The following SART3 variants were observed in gnomAD, a reference collection of about 807,000 sequenced individuals.
SART3 encodes the protein HIV-1 Tat-interacting protein of 110kDa.
A neutral mutation model predicts 122.3 loss-of-function variants in SART3; 44 were observed. The observed-to-expected ratio is 0.36, with a 90% CI of 0.28 to 0.46. The LOEUF (loss-of-function observed/expected upper bound fraction) is 0.46, where lower values mean the gene tolerates loss of function less well. Ranked by LOEUF, SART3 falls within the 20% of genes least tolerant of loss-of-function variation. SART3 has a pLI of 1.00. For missense variants in SART3, 1,101 were observed against 1,229.0 expected (o/e 0.90, Z 1.56); for synonymous variants, 442 against 454.0 (o/e 0.97, Z 0.34).
Position 108,548,465 on chromosome 12 carries a change from G to A in SART3, c.440-474C>T, listed in dbSNP as rs1873535912. On this transcript the variant is annotated intron_variant, in intron 2 of 18. Transcript: ENST00000546815. Reference sequence around the variant, plus strand: ...TAATTTGCTTAAGGTCACACAGCTAGTAAAAGATGTAGCCAGGAATGAATC... The same window carrying A: ...TAATTTGCTTAAGGTCACACAGCTAATAAAAGATGTAGCCAGGAATGAATC... 2.0e-5 allele frequency among the ~76,000 whole-genome samples: 3 copies of A among 152,222 alleles called. No homozygotes were observed. The South Asian group carries it at 6.2e-4, about 31-fold the overall frequency.
rs1314008997 is a variant in SART3, at chr12:108,535,341, C to G, written c.1556+18G>C. 7.5e-6 allele frequency: 12 copies of G among 1,602,002 alleles called. No individual in the cohort carries two copies. The Admixed American group carries it at 2.0e-4, about 27-fold the overall frequency. Reference sequence around the variant, plus strand: ...AGCTGACAAGCACTGCCTCCCTCCCCACCCCGAGATCAGTTACCTTTCCAG... The same window carrying G: ...AGCTGACAAGCACTGCCTCCCTCCCGACCCCGAGATCAGTTACCTTTCCAG... On this transcript the variant is annotated intron_variant, in intron 12 of 18. Coordinates refer to ENST00000546815, the MANE Select transcript of SART3 (RefSeq NM_014706.4).
intron 15 of SART3, among the ~76,000 whole-genome samples, chr12:108,527,458 C>G (rs556128830): frequency 6.6e-6 from 1 of 152,332 alleles, no homozygotes; most frequent in South Asian, 2.1e-4. Context: ...CTTCCTGGTA[C>G]GAAGTTGACC....
chr12:108,542,628 A>T (rs1227756825), intron 6 of SART3: 1 of 331,086 alleles, frequency 3.0e-6, no homozygotes, highest in African/African-American at 2.1e-5. Flanking sequence ...ATGAAAATAA[A>T]ATATACAGCA....
chr12:108,529,046 C>T (rs1872528293), intron 15 of SART3, among the ~76,000 whole-genome samples: 2 of 152,122 alleles, frequency 1.3e-5, no homozygotes, highest in Non-Finnish European at 2.9e-5. Flanking sequence ...TCACTTGAAC[C>T]CGGGAAGCGG....
At chr12:108,553,835 C>T (rs1274053113) in intron 1 of SART3, among the ~76,000 whole-genome samples, 3 of 152,222 alleles carry the variant, frequency 2.0e-5, no homozygotes, top group East Asian at 3.8e-4. Flanking sequence ...CATTATCTTT[C>T]TCTACTAATT....
At chr12:108,534,955 C>CA (rs1872838888) in intron 12 of SART3, among the ~76,000 whole-genome samples, 1 of 152,028 alleles carries the variant, frequency 6.6e-6, no homozygotes, top group African/African-American at 2.4e-5. Context: ...ATTTTCATTA[C>CA]AAAAAAATTT....
At chr12:108,544,923 A>G (rs1006455248) in intron 4 of SART3, 1 of 622,250 alleles carries the variant, frequency 1.6e-6, no homozygotes, top group Non-Finnish European at 2.8e-6. Flanking sequence ...CAAGCTAAAA[A>G]AATTTATACG....
chr12:108,560,636 G>A lies in SART3; in HGVS notation c.312+207C>T, dbSNP rs926449070. 9.6e-6 allele frequency: 5 copies of A among 521,832 alleles called. No individual in the cohort carries two copies. In the East Asian group the frequency reaches 1.3e-4, roughly 13 times the overall value. The allele number at this position is 521,832 out of a possible 1,614,324, so 32.3% of individuals were successfully genotyped here. ...ATAGATAACAGGGCTTCCTTCACAGGGTCGTGGCGAGGATTCAATGAGATA... is the reference window on the plus strand; with the variant it reads ...ATAGATAACAGGGCTTCCTTCACAGAGTCGTGGCGAGGATTCAATGAGATA... On this transcript the variant is annotated intron_variant, in intron 1 of 18. Transcript: ENST00000546815.
At chr12:108,545,408 C>G in intron 3 of SART3, 85 bp from the exon 4 acceptor site, 1 of 1,271,802 alleles carries the variant, frequency 7.9e-7, no homozygotes, top group Non-Finnish European at 1.1e-6. Context: ...ATGTGCCTAC[C>G]AAAAAAGTAC....
rs1395857733 is a variant in SART3, at chr12:108,523,543, C to A, written c.2806G>T (p.Ala936Ser). Residue 936 changes from alanine (A) to serine (S), a missense_variant, in exon 19 of 19, where the codon GCG becomes TCG. Physicochemically the swap from Ala to Ser is moderately conservative, Grantham distance 99. Coordinates refer to ENST00000546815, the MANE Select transcript of SART3 (RefSeq NM_014706.4). Reference sequence around the variant, plus strand: ...GCTGGGGCGGCAACTGCAGGAGCCGCGGCAGGGCCGTTCTCAGCCTGAGGA... The same window carrying A: ...GCTGGGGCGGCAACTGCAGGAGCCGAGGCAGGGCCGTTCTCAGCCTGAGGA... The part of the protein sequence containing the change: ...AAPQAENGPA[A>S]APAVAAPAAT... 5 of 1,613,792 alleles carry A rather than the reference C, an allele frequency of 3.1e-6. No homozygotes were observed. The African/African-American group carries it at 5.3e-5, about 17-fold the overall frequency.
intron 18 of SART3, 161 bp from the exon 19 acceptor site, chr12:108,523,795 T>A (rs1872243281): frequency 2.8e-6 from 2 of 720,960 alleles, no homozygotes; most frequent in African/African-American, 3.6e-5. Context: ...GTTTATGAAG[T>A]AAAAACTGCT....
rs865823569 is a variant in SART3, at chr12:108,522,261, C to T, written c.*1196G>A. Among the ~76,000 whole-genome samples the T allele has an allele frequency of 1.2e-4, 18 of 152,190 alleles. No individual in the cohort carries two copies. In the Middle Eastern group the frequency reaches 0.01, roughly 86 times the overall value. ...TTTACTGTTCTGTCTACTTTTTAAT[C>T]GGTTATATTAAAAAATGTTAAGTTA... is the stretch of plus-strand genomic sequence containing the variant. On this transcript the variant is annotated 3_prime_UTR_variant, in exon 19 of 19. Coordinates refer to ENST00000546815, the MANE Select transcript of SART3 (RefSeq NM_014706.4).
chr12:108,534,202 T>C (rs899631030), intron 12 of SART3, among the ~76,000 whole-genome samples: 3 of 152,190 alleles, frequency 2.0e-5, no homozygotes, highest in African/African-American at 7.2e-5. Context: ...TAAAATGTTT[T>C]TTAGATTTCT....
intron 1 of SART3, among the ~76,000 whole-genome samples, chr12:108,556,891 G>C (rs142282080): frequency 6.6e-6 from 1 of 152,366 alleles, no homozygotes; most frequent in East Asian, 1.9e-4. Flanking sequence ...GAGAGCACTT[G>C]CTAGTCAGTG....
At chr12:108,525,234 T>G (rs1872316701) in intron 17 of SART3, among the ~76,000 whole-genome samples, 1 of 152,272 alleles carries the variant, frequency 6.6e-6, no homozygotes, top group Non-Finnish European at 1.5e-5. Context: ...CATGATCCTC[T>G]ATTTCCAAGT....
rs571671170 is a variant in SART3, at chr12:108,549,599, G to A, written c.313-385C>T. Among the ~76,000 whole-genome samples the A allele has an allele frequency of 2.8e-4, 42 of 152,082 alleles. No homozygotes were observed. The South Asian group carries it at 3.3e-3, about 12-fold the overall frequency. On this transcript the variant is annotated intron_variant, in intron 1 of 18. Coordinates refer to ENST00000546815, the MANE Select transcript of SART3 (RefSeq NM_014706.4). ...TTCTAGCTCATACCAGGTCTTCCAA[G>A]GATTTAAAAAATTTCTACTGTTACA...
chr12:108,543,907 A>T (rs1036236065), intron 5 of SART3, among the ~76,000 whole-genome samples: 1 of 152,180 alleles, frequency 6.6e-6, no homozygotes, highest in African/African-American at 2.4e-5. Flanking sequence ...GCCAAAATGT[A>T]TTTACCAAAT....
chr12:108,530,155 G>T lies in SART3; in HGVS notation c.1902C>A (p.Gly634=). 1 of 1,613,934 alleles carries T rather than the reference G, an allele frequency of 6.2e-7. No homozygotes were observed. The change falls in exon 15 of 19, where the codon GGC becomes GGA. Residue 634 remains glycine, a synonymous_variant. Transcript: ENST00000546815. Reference sequence around the variant, plus strand: ...AGAGCTCCTTACCTTCTTCATCATCGCCCCACTCTTTCTCATCATCCTCAT... The same window carrying T: ...AGAGCTCCTTACCTTCTTCATCATCTCCCCACTCTTTCTCATCATCCTCAT... ...GADEDDEKEW[G]DDEEEQPSKR...
chr12:108,530,050 T>C, intron 15 of SART3, 92 bp downstream of exon 15: 1 of 1,433,080 alleles, frequency 7.0e-7, no homozygotes, highest in Non-Finnish European at 9.8e-7. Context: ...ATCAAGCTGG[T>C]AACGGTTCAG....
Sources: allele counts gnomAD v4.1 joint callset (sites outside exome capture counted in the v4.1 genomes callset), GRCh38; gene constraint gnomAD v4.1.1; transcripts MANE v1.5; gene names NCBI Gene and HGNC (gene_info 2026-07-23, HGNC 2026-07-21).